LMF1: variants seen among roughly 807,000 people sequenced by gnomAD.
LMF1 encodes transmembrane protein 112.
LMF1 carries 68 observed loss-of-function variants against 60.6 expected under a neutral mutation model. The ratio of observed to expected loss-of-function variants is 1.12; its 90% CI spans 0.92 to 1.37. The LOEUF is 1.37. LMF1 is among the 40% of genes most tolerant of loss of function. LMF1 has a pLI of 0.00. For missense variants in LMF1, 948 were observed against 767.2 expected (o/e 1.24, Z -2.78); for synonymous variants, 418 against 324.7 (o/e 1.29, Z -3.09).
In LMF1 at chr16:962,366, T is replaced by C. The variant is rs1161932421; in HGVS notation, c.194-7700A>G. On this transcript the variant is annotated intron_variant, in intron 1 of 10. Coordinates refer to ENST00000262301, the MANE Select transcript of LMF1 (RefSeq NM_022773.4). The surrounding 1 kb of genome is among the most constrained non-coding windows in gnomAD (Gnocchi z 4.5). Reference sequence around the variant, plus strand: ...AACAAGATCTTCCTCACAGAGGAATTCCACATAATGTCCGCAGACACTCCC... The same window carrying C: ...AACAAGATCTTCCTCACAGAGGAATCCCACATAATGTCCGCAGACACTCCC... Among the ~76,000 whole-genome samples the C allele has an allele frequency of 3.3e-5, 5 of 152,234 alleles. No individual in the cohort carries two copies. Among genetic ancestry groups the C allele is most frequent in the Non-Finnish European group, 7.3e-5 (5 of 68,042 alleles).
At chr16:933,934 G>A (rs774184297) in intron 3 of LMF1, 32 of 1,371,176 alleles carry the variant, frequency 2.3e-5, no homozygotes, top group African/African-American at 5.8e-5. Context: ...GAGCGTCCAC[G>A]GGGGATGGGC....
In LMF1 at chr16:870,989, G is replaced by A. The variant is rs540092651; in HGVS notation, c.1079-107C>T. On this transcript the variant is annotated intron_variant, in intron 7 of 10. Transcript: ENST00000262301. ...CTAAGGGTCAGCTGTCCTGGGTCCC[G>A]GGGACGGAGCAGCACCCGAACTCAC... The A allele has an allele frequency of 4.3e-4, 624 of 1,446,190 alleles. 5 individuals are homozygous for A. The South Asian group carries it at 7.2e-3, about 17-fold the overall frequency. The allele number at this position is 1,446,190 out of a possible 1,614,324, so 89.6% of individuals were successfully genotyped here. A position where few individuals can be genotyped will look rare whatever the true frequency, so the allele number is the denominator to read the frequency against.
At chr16:935,186 A>C (rs2151788418) in intron 2 of LMF1, among the ~76,000 whole-genome samples, 1 of 152,094 alleles carries the variant, frequency 6.6e-6, no homozygotes, top group East Asian at 1.9e-4. Flanking sequence ...TACAACCTCA[A>C]GCTCCTGGGC....
chr16:944,129 G>A lies in LMF1; in HGVS notation c.504-9875C>T, dbSNP rs560233115. Among the ~76,000 whole-genome samples the A allele has an allele frequency of 7.5e-4, 114 of 152,204 alleles. 1 individual carries two copies. Among genetic ancestry groups the A allele is most frequent in the Non-Finnish European group, 1.2e-3 (79 of 68,010 alleles). ...AGATGTGGCCTTTCTGGGGGCATGC[G>A]CTGAGTGCCTAGGGTCTTATGCAAG... On this transcript the variant is annotated intron_variant, in intron 2 of 10. Transcript: ENST00000262301.
chr16:876,475 G>GT (rs1217781507), intron 6 of LMF1, among the ~76,000 whole-genome samples: 1 of 152,206 alleles, frequency 6.6e-6, no homozygotes, highest in Non-Finnish European at 1.5e-5. Flanking sequence ...GTTGGCAACA[G>GT]TTTATCAGTC....
chr16:855,398 A>C (rs575277980), intron 10 of LMF1: 31 of 341,152 alleles, frequency 9.1e-5, no homozygotes, highest in Non-Finnish European at 1.7e-4. Flanking sequence ...GTCCCGCCTG[A>C]CCCCTGGTGA....
intron 8 of LMF1, 52 bp from the exon 9 acceptor site, chr16:870,118 A>G: frequency 6.4e-7 from 1 of 1,554,796 alleles, no homozygotes; most frequent in Non-Finnish European, 8.7e-7. Flanking sequence ...GGCTGGGCCG[A>G]GTGGGGTGCA....
chr16:859,169 C>T (rs1448724825), intron 10 of LMF1, among the ~76,000 whole-genome samples: 49 of 74,894 alleles, frequency 6.5e-4, no homozygotes, highest in Non-Finnish European at 7.1e-4. Context: ...TGTCTCGGGA[C>T]GGGTGTGAGT....
intron 10 of LMF1, among the ~76,000 whole-genome samples, chr16:867,899 C>T (rs1385841250): frequency 6.6e-6 from 1 of 152,202 alleles, no homozygotes; most frequent in African/African-American, 2.4e-5. Context: ...CTCGGCGCCC[C>T]TCCCATCCCC....
intron 6 of LMF1, among the ~76,000 whole-genome samples, chr16:879,288 C>T (rs1402136969): frequency 1.3e-5 from 2 of 152,208 alleles, no homozygotes; most frequent in Admixed American, 6.5e-5. Flanking sequence ...CCCCGTCCCA[C>T]TGCCGAGCCC....
chr16:947,787 G>A (rs2072276281), intron 2 of LMF1: 1 of 352,338 alleles, frequency 2.8e-6, no homozygotes, highest in Non-Finnish European at 5.6e-6. Flanking sequence ...CAACGACAGA[G>A]TCAGCCAATG....
At chr16:858,827 G>A (rs866785936) in intron 10 of LMF1, among the ~76,000 whole-genome samples, 3 of 89,088 alleles carry the variant, frequency 3.4e-5, no homozygotes, top group Admixed American at 1.9e-4. Flanking sequence ...GGTGTGAGTG[G>A]TGTCACGGGA....
intron 10 of LMF1, among the ~76,000 whole-genome samples, chr16:866,546 G>T (rs1476188432): frequency 6.6e-6 from 1 of 152,120 alleles, no homozygotes; most frequent in Non-Finnish European, 1.5e-5. Context: ...TGATACCACA[G>T]AAGCGGGGGA....
intron 1 of LMF1, chr16:977,175 A>T (rs2073172739): frequency 4.5e-6 from 2 of 445,114 alleles, no homozygotes; most frequent in Admixed American, 2.4e-5. Context: ...AGACAAGGCC[A>T]GTTCTCAGGC....
intron 3 of LMF1, among the ~76,000 whole-genome samples, chr16:926,111 A>G (rs988954377): frequency 1.3e-5 from 2 of 151,682 alleles, no homozygotes; most frequent in Admixed American, 6.6e-5. Flanking sequence ...ACGTTTGCAT[A>G]TGATCTGAAT....
chr16:885,144 A>G (rs150288625), intron 5 of LMF1: 2 of 152,402 alleles, frequency 1.3e-5, no homozygotes, highest in African/African-American at 4.8e-5. Context: ...TTCTTTCAGC[A>G]TTTATGAGAT....
intron 4 of LMF1, chr16:901,253 A>G (rs1458316943): frequency 1.3e-5 from 2 of 152,154 alleles, no homozygotes; most frequent in Non-Finnish European, 2.9e-5. Flanking sequence ...TCTGCACCCC[A>G]ACACAGCCCA....
intron 3 of LMF1, among the ~76,000 whole-genome samples, chr16:913,249 C>T (rs926273291): frequency 3.9e-5 from 6 of 152,234 alleles, no homozygotes; most frequent in Non-Finnish European, 7.3e-5. Context: ...CTGGGCCTTC[C>T]GGGAGACTGA....
chr16:934,113 C>A lies in LMF1; in HGVS notation c.514+131G>T, dbSNP rs11248955. 490,248 of 1,557,000 alleles carry A rather than the reference C, an allele frequency of 0.31. 87,244 individuals are homozygous for A. Among genetic ancestry groups the A allele is most frequent in the African/African-American group, 0.75 (55,630 of 74,044 alleles). On this transcript the variant is annotated intron_variant, in intron 3 of 10. Transcript: ENST00000262301. ...CAGATCACAAGCGCCCATCACTGCC[C>A]TCCGTGCATACTGGGAAGGCTGATG...
Sources: allele counts gnomAD v4.1 joint callset (sites outside exome capture counted in the v4.1 genomes callset), GRCh38; gene constraint gnomAD v4.1.1; non-coding constraint Gnocchi (gnomAD v3.1); transcripts MANE v1.5; gene names NCBI Gene and HGNC (gene_info 2026-07-23, HGNC 2026-07-21).